The following MACROD1 variants were observed in gnomAD, a reference collection of about 807,000 sequenced individuals.
The protein encoded by MACROD1 is mono-ADP ribosylhydrolase 1, also known as ADP-ribose glycohydrolase MACROD1.
A neutral mutation model predicts 41.4 loss-of-function variants in MACROD1; 31 were observed. That is an observed-to-expected ratio of 0.75 (90% CI 0.56 to 1.01). The LOEUF is 1.01. Ranked by LOEUF, MACROD1 falls within the 50% of genes least tolerant of loss-of-function variation. The pLI is 0.00. For missense variants in MACROD1, 473 were observed against 460.0 expected, an observed-to-expected ratio of 1.03 and a Z score of -0.26; for synonymous variants, 252 against 203.4, an observed-to-expected ratio of 1.24 and a Z score of -2.03.
At chr11:64,118,252 G>A (rs750934842) in intron 3 of MACROD1, 11 of 1,600,764 alleles carry the variant, frequency 6.9e-6, no homozygotes, top group African/African-American at 2.7e-5. Context: ...CGGGGCTACC[G>A]GGACGGCGGC....
At chr11:64,161,297 G>A (rs1945751801) in intron 1 of MACROD1, among the ~76,000 whole-genome samples, 2 of 152,208 alleles carry the variant, frequency 1.3e-5, no homozygotes, top group South Asian at 4.1e-4. Context: ...GGACGAACTG[G>A]CCGGATATTG....
intron 3 of MACROD1, among the ~76,000 whole-genome samples, chr11:64,149,666 T>C (rs1198738873): frequency 6.6e-6 from 1 of 152,222 alleles, no homozygotes; most frequent in Non-Finnish European, 1.5e-5. Flanking sequence ...CTCCGGCCAC[T>C]TTGCAGCTCA....
chr11:64,085,311 T>G (rs1372355413), intron 3 of MACROD1, among the ~76,000 whole-genome samples: 1 of 152,194 alleles, frequency 6.6e-6, no homozygotes, highest in Admixed American at 6.5e-5. Flanking sequence ...AATTTTGAAC[T>G]GAAGTGCAAA....
rs1186488020 is a variant in MACROD1, at chr11:64,090,812, TGCAGAAGCAGAGCCC to T, written c.517+60412_517+60426del. Among the ~76,000 whole-genome samples, 4 of 151,870 alleles carry T rather than the reference TGCAGAAGCAGAGCCC, an allele frequency of 2.6e-5. No homozygotes were observed. The East Asian group carries it at 7.8e-4, about 30-fold the overall frequency. On this transcript the variant is annotated intron_variant, in intron 3 of 10. Transcript: ENST00000255681. The surrounding 1 kb of genome is among the most constrained non-coding windows in gnomAD (Gnocchi z 4.7). ...CACTTGGGGTTTGTCTCTGGGGCTC[TGCAGAAGCAGAGCCC>T]GAGTCGGGTCCAGCCCTGCACTCCC... is the stretch of plus-strand genomic sequence containing the variant.
chr11:64,045,624 G>A (rs1448175116), intron 3 of MACROD1, among the ~76,000 whole-genome samples: 8 of 152,154 alleles, frequency 5.3e-5, no homozygotes, highest in Non-Finnish European at 1.0e-4. Context: ...ACCTTGCTGC[G>A]TCCTGAGGGT....
chr11:64,117,793 C>T, intron 3 of MACROD1: 1 of 1,614,188 alleles, frequency 6.2e-7, no homozygotes, highest in Non-Finnish European at 8.5e-7. Flanking sequence ...TGCATGGTCA[C>T]CATGGAGACC....
intron 1 of MACROD1, among the ~76,000 whole-genome samples, chr11:64,157,012 T>A (rs1486738255): frequency 6.6e-6 from 1 of 152,122 alleles, no homozygotes; most frequent in African/African-American, 2.4e-5. Flanking sequence ...TCGGCAATCC[T>A]CGCCCGCCAG....
At chr11:64,065,229 G>A (rs183890215) in intron 3 of MACROD1, among the ~76,000 whole-genome samples, 201 of 152,324 alleles carry the variant, frequency 1.3e-3, no homozygotes, top group Middle Eastern at 6.8e-3. Context: ...GATGAAGAGC[G>A]GGTAGAGTGT....
chr11:64,054,723 A>G (rs1943752344), intron 3 of MACROD1, among the ~76,000 whole-genome samples: 1 of 151,824 alleles, frequency 6.6e-6, no homozygotes, highest in Non-Finnish European at 1.5e-5. Context: ...CAAATCAACA[A>G]ACTTCCTTGT....
chr11:64,084,070 T>C (rs1003995129), intron 3 of MACROD1, among the ~76,000 whole-genome samples: 7 of 152,170 alleles, frequency 4.6e-5, no homozygotes, highest in African/African-American at 1.7e-4. Flanking sequence ...GTTTCCATAG[T>C]GTGTCCCTGC....
intron 3 of MACROD1, among the ~76,000 whole-genome samples, chr11:64,147,637 A>T (rs1481267994): frequency 1.3e-5 from 2 of 151,688 alleles, no homozygotes; most frequent in African/African-American, 4.8e-5. Context: ...TGGCCAGGCT[A>T]GTCTCGAAAC....
At chr11:64,112,264 A>T (rs764087580) in intron 3 of MACROD1, among the ~76,000 whole-genome samples, 5 of 152,230 alleles carry the variant, frequency 3.3e-5, no homozygotes, top group Non-Finnish European at 5.9e-5. Flanking sequence ...CTGTAATCCC[A>T]GTACTTTGAG....
chr11:64,101,758 TTCCAGGGCCTGTGCCCCA>T (rs1350132780), intron 3 of MACROD1, among the ~76,000 whole-genome samples: 1 of 152,212 alleles, frequency 6.6e-6, no homozygotes, highest in Non-Finnish European at 1.5e-5. Flanking sequence ...ACCGTACCCC[TTCCAGGGCCTGTGCCCCA>T]CCTGTAGTAT....
chr11:64,088,770 A>G (rs773199970), intron 3 of MACROD1, among the ~76,000 whole-genome samples: 1 of 152,174 alleles, frequency 6.6e-6, no homozygotes, highest in Non-Finnish European at 1.5e-5. Flanking sequence ...GACAGCAGAC[A>G]GTAAGAGACT....
intron 1 of MACROD1, among the ~76,000 whole-genome samples, chr11:64,161,200 G>C (rs1302026283): frequency 2.6e-5 from 4 of 152,050 alleles, no homozygotes; most frequent in Non-Finnish European, 4.4e-5. Flanking sequence ...AACAACAAAA[G>C]AGTGGGAAAC....
At chr11:64,110,038 T>C (rs895136490) in intron 3 of MACROD1, among the ~76,000 whole-genome samples, 1 of 152,142 alleles carries the variant, frequency 6.6e-6, no homozygotes, top group African/African-American at 2.4e-5. Flanking sequence ...GGGGGTACTC[T>C]GCACATATAA....
intron 4 of MACROD1, among the ~76,000 whole-genome samples, chr11:64,004,819 G>A (rs1942883456): frequency 6.6e-6 from 1 of 152,132 alleles, no homozygotes; most frequent in South Asian, 2.1e-4. Context: ...GGAGGCTGAG[G>A]TGGGAGGGTC....
intron 3 of MACROD1, among the ~76,000 whole-genome samples, chr11:64,106,263 C>T (rs1944762189): frequency 6.6e-6 from 1 of 152,076 alleles, no homozygotes; most frequent in Non-Finnish European, 1.5e-5. Context: ...CCTCTTTGGG[C>T]TGCTGTGGTG....
intron 3 of MACROD1, among the ~76,000 whole-genome samples, chr11:64,043,113 T>C (rs1048597620): frequency 6.6e-6 from 1 of 152,194 alleles, no homozygotes; most frequent in Non-Finnish European, 1.5e-5. Flanking sequence ...TGTGCCTCTG[T>C]CTCCACACCT....
Sources: allele counts gnomAD v4.1 joint callset (sites outside exome capture counted in the v4.1 genomes callset), GRCh38; gene constraint gnomAD v4.1.1; non-coding constraint Gnocchi (gnomAD v3.1); transcripts MANE v1.5; gene names NCBI Gene and HGNC (gene_info 2026-07-23, HGNC 2026-07-21).